NSUN6: variants seen among roughly 807,000 people sequenced by gnomAD.
The protein encoded by NSUN6 is tRNA (cytosine(72)-C(5))-methyltransferase NSUN6.
NSUN6 carries 64 observed loss-of-function variants against 58.0 expected under a neutral mutation model. That is an observed-to-expected ratio of 1.10 (90% CI 0.90 to 1.36). The LOEUF is 1.36. Among genes scored for constraint, NSUN6 ranks in the 40% most tolerant of loss-of-function variants. The probability of loss-of-function intolerance (pLI) is 0.00; values close to 1 mark genes in which losing one functional copy is unlikely to be tolerated. For missense variants in NSUN6, 701 were observed against 550.1 expected, an observed-to-expected ratio of 1.27 and a Z score of -2.74; for synonymous variants, 231 against 193.9, an observed-to-expected ratio of 1.19 and a Z score of -1.59.
At chr10:18,551,112 G>A (rs943040229) in intron 9 of NSUN6, among the ~76,000 whole-genome samples, 3 of 151,988 alleles carry the variant, frequency 2.0e-5, no homozygotes, top group Non-Finnish European at 2.9e-5. Context: ...ACAACTCAGT[G>A]ACTTTTTTCA....
At chr10:18,554,308 A>G (rs528856651) in intron 8 of NSUN6, among the ~76,000 whole-genome samples, 18 of 151,148 alleles carry the variant, frequency 1.2e-4, no homozygotes, top group Middle Eastern at 3.4e-3. Context: ...ACAGAATGCA[A>G]TGGAGAGTGG....
In NSUN6 at chr10:18,651,418, C is replaced by G. The variant is rs1056971021; in HGVS notation, c.-215G>C. The G allele has an allele frequency of 4.0e-5, 50 of 1,246,974 alleles. No individual in the cohort carries two copies. Among genetic ancestry groups the G allele is most frequent in the Non-Finnish European group, 4.2e-5 (42 of 995,572 alleles). The allele number at this position is 1,246,974 out of a possible 1,614,324, so 77.2% of individuals were successfully genotyped here. ...CTGCCGGGCTTCCACCACACCTCATCGAGGCAATGTTTTCTGGTAGAGATG... is the reference window on the plus strand; with the variant it reads ...CTGCCGGGCTTCCACCACACCTCATGGAGGCAATGTTTTCTGGTAGAGATG... On this transcript the variant is annotated 5_prime_UTR_variant, in exon 1 of 11. Coordinates refer to ENST00000377304, the MANE Select transcript of NSUN6 (RefSeq NM_182543.5).
Position 18,545,872 on chromosome 10 carries a change from A to AAAAAAAAAG in NSUN6, c.*60_*61insCTTTTTTTT, listed in dbSNP as rs1564691301. 9.7e-7 allele frequency: 1 copy of AAAAAAAAAG among 1,032,768 alleles called. No individual in the cohort carries two copies. Among genetic ancestry groups the AAAAAAAAAG allele is most frequent in the East Asian group, 2.4e-5 (1 of 41,826 alleles). 64.0% of individuals were successfully genotyped at this position (1,032,768 alleles called of 1,614,324 possible). A position where few individuals can be genotyped will look rare whatever the true frequency, so the allele number is the denominator to read the frequency against. ...TTGGCCTGACAACACTTTGGTTAAA[A>AAAAAAAAAG]AAAAAAAAACCACAGACAGCAAATG... On this transcript the variant is annotated 3_prime_UTR_variant, in exon 11 of 11. Transcript: ENST00000377304.
At chr10:18,598,342 C>A (rs1390122602) in intron 6 of NSUN6, among the ~76,000 whole-genome samples, 1 of 152,248 alleles carries the variant, frequency 6.6e-6, no homozygotes, top group Non-Finnish European at 1.5e-5. Flanking sequence ...AACAGCCTTG[C>A]TGCTCACACA....
At chr10:18,612,366 G>A (rs898102814) in intron 5 of NSUN6, among the ~76,000 whole-genome samples, 3 of 152,154 alleles carry the variant, frequency 2.0e-5, no homozygotes, top group Non-Finnish European at 2.9e-5. Context: ...AGGTTATAGT[G>A]AGCTTTCATC....
At chr10:18,643,505 T>C (rs2059448978) in intron 2 of NSUN6, among the ~76,000 whole-genome samples, 1 of 152,134 alleles carries the variant, frequency 6.6e-6, no homozygotes. Flanking sequence ...ACTTACTGAT[T>C]TCTAAGTTGA....
At chr10:18,557,185 T>C (rs1189703795) in intron 8 of NSUN6, among the ~76,000 whole-genome samples, 1 of 144,068 alleles carries the variant, frequency 6.9e-6, no homozygotes, top group Non-Finnish European at 1.5e-5. Context: ...TGGAAAATGG[T>C]GTGGAGGATG....
At chr10:18,565,672 T>C (rs565940747) in intron 8 of NSUN6, among the ~76,000 whole-genome samples, 29 of 151,412 alleles carry the variant, frequency 1.9e-4, no homozygotes, top group Non-Finnish European at 1.2e-4. Context: ...CTACATTCCA[T>C]TCCATTCTTC....
intron 8 of NSUN6, among the ~76,000 whole-genome samples, chr10:18,568,924 C>G (rs111217727): frequency 0.049 from 7,335 of 150,888 alleles, 273 homozygotes; most frequent in Non-Finnish European, 0.077. Context: ...CCATTCCATT[C>G]TCCATTTGGT....
chr10:18,591,028 GA>G (rs1261695332), intron 7 of NSUN6, among the ~76,000 whole-genome samples: 1 of 151,942 alleles, frequency 6.6e-6, no homozygotes, highest in Non-Finnish European at 1.5e-5. Flanking sequence ...GAATCAAACA[GA>G]CACAATAAAA....
intron 7 of NSUN6, among the ~76,000 whole-genome samples, chr10:18,590,098 G>C (rs2057321603): frequency 6.6e-6 from 1 of 151,932 alleles, no homozygotes; most frequent in Admixed American, 6.6e-5. Flanking sequence ...AAAAAAGTAG[G>C]GGTTGCAATC....
intron 8 of NSUN6, among the ~76,000 whole-genome samples, chr10:18,569,415 CCCATTCCATTCTCAATT>C (rs1436931120): frequency 1.5e-5 from 2 of 135,904 alleles, no homozygotes; most frequent in South Asian, 2.4e-4. Context: ...CATTCCATTG[CCCATTCCATTCTCAATT>C]CCATTCCATT....
chr10:18,641,875 C>T (rs1028348757), intron 3 of NSUN6, among the ~76,000 whole-genome samples: 3 of 151,992 alleles, frequency 2.0e-5, no homozygotes, highest in African/African-American at 7.2e-5. Context: ...TCAATACCAG[C>T]CTGGGACACA....
upstream of NSUN6, chr10:18,652,109 C>T (rs1214364477): frequency 5.1e-6 from 5 of 985,050 alleles, no homozygotes; most frequent in Middle Eastern, 5.2e-4. Context: ...ATCCAATGCT[C>T]AGGTAAAACT....
At chr10:18,565,612 CTCCATTTGTTACATTT>C (rs1265621269) in intron 8 of NSUN6, among the ~76,000 whole-genome samples, 1 of 150,988 alleles carries the variant, frequency 6.6e-6, no homozygotes, top group African/African-American at 2.4e-5. Context: ...CCATTCCATT[CTCCATTTGTTACATTT>C]TCCATTCCAT....
chr10:18,639,778 AC>A (rs2059337158), intron 3 of NSUN6, among the ~76,000 whole-genome samples: 1 of 152,208 alleles, frequency 6.6e-6, no homozygotes, highest in Non-Finnish European at 1.5e-5. Flanking sequence ...TATTTTAGAG[AC>A]CTAAAATAGC....
At chr10:18,619,440 C>T (rs1226134552) in intron 3 of NSUN6, among the ~76,000 whole-genome samples, 1 of 152,194 alleles carries the variant, frequency 6.6e-6, no homozygotes, top group African/African-American at 2.4e-5. Flanking sequence ...ACTATTAACA[C>T]TTAATTGTTT....
At chr10:18,567,913 A>G (rs1328129983) in intron 8 of NSUN6, among the ~76,000 whole-genome samples, 1 of 148,178 alleles carries the variant, frequency 6.7e-6, no homozygotes, top group Non-Finnish European at 1.5e-5. Flanking sequence ...ACTGCATTCC[A>G]TTCCATTTTC....
upstream of NSUN6, chr10:18,652,100 T>C: frequency 3.0e-6 from 3 of 985,306 alleles, no homozygotes; most frequent in Non-Finnish European, 3.6e-6. Flanking sequence ...TCTGTTAATA[T>C]CCAATGCTCA....
Sources: allele counts gnomAD v4.1 joint callset (sites outside exome capture counted in the v4.1 genomes callset), GRCh38; gene constraint gnomAD v4.1.1; transcripts MANE v1.5; gene names NCBI Gene and HGNC (gene_info 2026-07-23, HGNC 2026-07-21).